Variants in CNTN5 observed in about 807,000 individuals in gnomAD.
CNTN5 encodes contactin 5, also known as contactin-5.
A neutral mutation model predicts 129.1 loss-of-function variants in CNTN5; 77 were observed. That is an observed-to-expected ratio of 0.60 (90% CI 0.50 to 0.72). The LOEUF (loss-of-function observed/expected upper bound fraction) is 0.72. Ranked by LOEUF, CNTN5 falls within the 30% of genes least tolerant of loss-of-function variation. The pLI, the probability that CNTN5 is intolerant of heterozygous loss-of-function variation, is 0.00. For missense variants in CNTN5, 1,478 were observed against 1,328.8 expected (o/e 1.11, Z -1.75); for synonymous variants, 509 against 465.6 (o/e 1.09, Z -1.20).
chr11:100,039,365 A>T (rs1081360), intron 9 of CNTN5, among the ~76,000 whole-genome samples: 123,716 of 152,148 alleles, frequency 0.81, 51,080 homozygotes, highest in East Asian at 1. Context: ...CTTCCCTTTG[A>T]GGGTAACCCG....
intron 3 of CNTN5, among the ~76,000 whole-genome samples, chr11:99,579,380 G>A (rs1252577892): frequency 6.6e-6 from 1 of 151,804 alleles, no homozygotes; most frequent in Non-Finnish European, 1.5e-5. Context: ...GTCATTGGTA[G>A]CTTGATGGGG....
chr11:99,975,074 C>G (rs1161506178), intron 8 of CNTN5, among the ~76,000 whole-genome samples: 1 of 152,232 alleles, frequency 6.6e-6, no homozygotes, highest in East Asian at 1.9e-4. Context: ...TCGGCCATTG[C>G]CGCAGGCCCT....
intron 2 of CNTN5, among the ~76,000 whole-genome samples, chr11:99,359,049 C>A (rs1565519058): frequency 6.6e-6 from 1 of 152,130 alleles, no homozygotes; most frequent in Non-Finnish European, 1.5e-5. Flanking sequence ...AGTTTCATCA[C>A]ACAATTCTTC....
intron 7 of CNTN5, among the ~76,000 whole-genome samples, chr11:99,927,510 G>T (rs2136060799): frequency 6.6e-6 from 1 of 152,232 alleles, no homozygotes. Flanking sequence ...GGGGGCCTCA[G>T]GAAACTTAAA....
intron 1 of CNTN5, among the ~76,000 whole-genome samples, chr11:99,180,769 C>T (rs1359733673): frequency 1.3e-5 from 2 of 152,098 alleles, no homozygotes; most frequent in African/African-American, 2.4e-5. Flanking sequence ...ATTACAGATA[C>T]GGGGTAAGCA....
At chr11:99,164,358 A>G (rs1436584046) in intron 1 of CNTN5, among the ~76,000 whole-genome samples, 1 of 151,960 alleles carries the variant, frequency 6.6e-6, no homozygotes, top group African/African-American at 2.4e-5. Flanking sequence ...GCAATTGAAA[A>G]ATGGTCAGGT....
At chr11:99,085,893 C>T (rs1361003963) in intron 1 of CNTN5, among the ~76,000 whole-genome samples, 6 of 152,038 alleles carry the variant, frequency 3.9e-5, no homozygotes, top group East Asian at 1.9e-4. Flanking sequence ...ACCTTTTCTA[C>T]GTTTATGCAT....
intron 3 of CNTN5, among the ~76,000 whole-genome samples, chr11:99,724,911 G>T (rs1019762380): frequency 1.3e-5 from 2 of 152,140 alleles, no homozygotes; most frequent in East Asian, 1.9e-4. Flanking sequence ...AAGGCTAATT[G>T]TATGATATCA....
intron 1 of CNTN5, among the ~76,000 whole-genome samples, chr11:99,222,732 G>C (rs1860460224): frequency 6.6e-6 from 1 of 152,022 alleles, no homozygotes; most frequent in South Asian, 2.1e-4. Context: ...TCGTAATGCA[G>C]GATATAAAGT....
At chr11:99,486,149 CA>C (rs1311348230) in intron 2 of CNTN5, among the ~76,000 whole-genome samples, 17 of 152,016 alleles carry the variant, frequency 1.1e-4, no homozygotes, top group Admixed American at 5.2e-4. Flanking sequence ...GAGTACAATT[CA>C]GTTAATAGTA....
At chr11:99,875,895 T>A (rs543587502) in intron 6 of CNTN5, among the ~76,000 whole-genome samples, 2 of 152,274 alleles carry the variant, frequency 1.3e-5, no homozygotes, top group East Asian at 3.9e-4. Flanking sequence ...ATTTTTGTAG[T>A]GATTTTTCAC....
intron 13 of CNTN5, among the ~76,000 whole-genome samples, chr11:100,158,123 G>C (rs1440793514): frequency 6.6e-6 from 1 of 151,702 alleles, no homozygotes; most frequent in Non-Finnish European, 1.5e-5. Flanking sequence ...TTCTTCAAGT[G>C]CCAAGACAAA....
At chr11:100,287,419 C>T (rs955594120) in intron 18 of CNTN5, among the ~76,000 whole-genome samples, 1 of 150,566 alleles carries the variant, frequency 6.6e-6, no homozygotes, top group Admixed American at 6.6e-5. Context: ...TCGGCAGAAA[C>T]CCTACAAGCC....
At chr11:99,691,717 G>A (rs1954046574) in intron 3 of CNTN5, among the ~76,000 whole-genome samples, 1 of 152,082 alleles carries the variant, frequency 6.6e-6, no homozygotes, top group Admixed American at 6.6e-5. Flanking sequence ...TGAGAAGAAT[G>A]TATATTCTGT....
intron 14 of CNTN5, among the ~76,000 whole-genome samples, chr11:100,191,723 T>C (rs1261236297): frequency 3.3e-5 from 5 of 152,042 alleles, no homozygotes; most frequent in African/African-American, 1.2e-4. Context: ...CAGAGCTGTT[T>C]GTTGATGTCT....
At chr11:99,662,888 C>T (rs186954695) in intron 3 of CNTN5, among the ~76,000 whole-genome samples, 76 of 152,308 alleles carry the variant, frequency 5.0e-4, no homozygotes, top group African/African-American at 1.7e-3. Context: ...ATTTGAGAAG[C>T]TCTGCTCTAG....
chr11:100,132,380 G>T (rs543511381), intron 13 of CNTN5, among the ~76,000 whole-genome samples: 13 of 152,088 alleles, frequency 8.5e-5, no homozygotes, highest in Non-Finnish European at 7.4e-5. Context: ...CTAAAAGCAC[G>T]ACATATGGTA....
chr11:100,238,830 A>G (rs1393362504), intron 16 of CNTN5, among the ~76,000 whole-genome samples: 1 of 152,202 alleles, frequency 6.6e-6, no homozygotes, highest in African/African-American at 2.4e-5. Flanking sequence ...CTCATTATCT[A>G]TTGACAGAAA....
Position 99,917,926 on chromosome 11 carries a change from C to A in CNTN5, c.673+1777C>A, listed in dbSNP as rs549920454. 1.6e-4 allele frequency among the ~76,000 whole-genome samples: 25 copies of A among 152,178 alleles called. 1 individual carries two copies. In the South Asian group the frequency reaches 5.0e-3, roughly 30 times the overall value. On this transcript the variant is annotated intron_variant, in intron 7 of 24. Coordinates refer to ENST00000524871, the MANE Select transcript of CNTN5 (RefSeq NM_014361.4). ...GTAAATTAAATGACTGTTCAGTAAT[C>A]GTGTTTTACATCCGAACTCATCTGC...
Sources: gnomAD v4.1 joint callset for allele counts (sites outside exome capture counted in the v4.1 genomes callset) on GRCh38, gnomAD v4.1.1 for gene constraint, MANE v1.5 for transcripts, NCBI Gene and HGNC (gene_info 2026-07-23, HGNC 2026-07-21) for gene names.